DGKI: variants seen among roughly 807,000 people sequenced by gnomAD.
DGKI encodes the protein DAG kinase iota.
DGKI carries 55 observed loss-of-function variants against 147.5 expected under a neutral mutation model. The ratio of observed to expected loss-of-function variants is 0.37; its 90% CI spans 0.30 to 0.47. The LOEUF (loss-of-function observed/expected upper bound fraction) is 0.47. DGKI is among the 20% of genes least tolerant of loss of function. The pLI is 1.00. For synonymous variants in DGKI, 469 were observed against 477.1 expected, an observed-to-expected ratio of 0.98 and a Z score of 0.22; for missense variants, 1,007 against 1,323.8, an observed-to-expected ratio of 0.76 and a Z score of 3.71.
intron 1 of DGKI, among the ~76,000 whole-genome samples, chr7:137,829,310 C>T (rs1002030154): frequency 1.2e-4 from 18 of 152,250 alleles, no homozygotes; most frequent in Admixed American, 1.3e-4. Flanking sequence ...TTCCTGTCTA[C>T]AGTTCTCTCT....
chr7:137,623,103 C>T (rs1382894594), intron 7 of DGKI, among the ~76,000 whole-genome samples: 1 of 152,292 alleles, frequency 6.6e-6, no homozygotes, highest in Non-Finnish European at 1.5e-5. Context: ...TCATACGTTG[C>T]TTTGCTTCTA....
At chr7:137,493,855 A>T in intron 21 of DGKI, 1 of 696,452 alleles carries the variant, frequency 1.4e-6, no homozygotes, top group East Asian at 2.7e-5. Flanking sequence ...ACAGAAATAG[A>T]ATCAGAATAT....
At chr7:137,557,529 T>A (rs983936236) in intron 19 of DGKI, among the ~76,000 whole-genome samples, 9 of 151,876 alleles carry the variant, frequency 5.9e-5, no homozygotes, top group Non-Finnish European at 1.2e-4. Flanking sequence ...AAAAATAAAA[T>A]CAGTATTCTA....
In DGKI at chr7:137,759,797, C is replaced by T. The variant is rs571101855; in HGVS notation, c.402-69795G>A. Among the ~76,000 whole-genome samples, 8 of 152,274 alleles carry T rather than the reference C, an allele frequency of 5.3e-5. No homozygotes were observed. In the South Asian group the frequency reaches 1.7e-3, roughly 32 times the overall value. On this transcript the variant is annotated intron_variant, in intron 1 of 32. Transcript: ENST00000614521. ...ATGAACTCATTCTCCCTTTCTTTCTCTGTTTCTCTCTCCTCCTTTTCGTCC... is the reference window on the plus strand; with the variant it reads ...ATGAACTCATTCTCCCTTTCTTTCTTTGTTTCTCTCTCCTCCTTTTCGTCC...
intron 1 of DGKI, among the ~76,000 whole-genome samples, chr7:137,771,253 G>A (rs1031311578): frequency 6.6e-6 from 1 of 152,118 alleles, no homozygotes; most frequent in African/African-American, 2.4e-5. Context: ...ACCATGCCCA[G>A]CTAATTTTTG....
At chr7:137,588,765 C>T (rs375151947) in intron 12 of DGKI, among the ~76,000 whole-genome samples, 2 of 152,192 alleles carry the variant, frequency 1.3e-5, no homozygotes, top group East Asian at 3.9e-4. Context: ...CGTGAGCCAC[C>T]GTGCCAGGCC....
chr7:137,725,700 T>C (rs1794697630), intron 1 of DGKI, among the ~76,000 whole-genome samples: 1 of 152,214 alleles, frequency 6.6e-6, no homozygotes, highest in Non-Finnish European at 1.5e-5. Flanking sequence ...CAGGTGACTT[T>C]CCATTCTTTT....
At chr7:137,729,418 G>A (rs1475869803) in intron 1 of DGKI, among the ~76,000 whole-genome samples, 2 of 152,058 alleles carry the variant, frequency 1.3e-5, no homozygotes, top group African/African-American at 4.8e-5. Context: ...CCAGAAATAA[G>A]GGCATCTGCT....
At chr7:137,653,056 G>A (rs1263362677) in intron 5 of DGKI, among the ~76,000 whole-genome samples, 1 of 152,134 alleles carries the variant, frequency 6.6e-6, no homozygotes, top group Non-Finnish European at 1.5e-5. Context: ...TACCTCCCCA[G>A]CCCATCCTCA....
rs1400887766 is a variant in DGKI, at chr7:137,390,152, T to C, written c.*1068A>G. ...CTGTTTCCTATTTCAGTGACATATG[T>C]TGACATATGTTGCTACTTTTGCTTT... On this transcript the variant is annotated 3_prime_UTR_variant, in exon 33 of 33. Coordinates refer to ENST00000614521, the MANE Select transcript of DGKI (RefSeq NM_001321708.2). 6.6e-6 allele frequency: 1 copy of C among 152,170 alleles called. No homozygotes were observed. Among genetic ancestry groups the C allele is most frequent in the African/African-American group, 2.4e-5 (1 of 41,446 alleles). 9.4% of individuals were successfully genotyped at this position (152,170 alleles called of 1,614,324 possible). A position where few individuals can be genotyped will look rare whatever the true frequency, so the allele number is the denominator to read the frequency against.
At chr7:137,491,799 G>T (rs909885558) in intron 21 of DGKI, among the ~76,000 whole-genome samples, 9 of 152,188 alleles carry the variant, frequency 5.9e-5, no homozygotes, top group African/African-American at 2.2e-4. Context: ...GCAAACTGCT[G>T]CCCCAAAGGG....
chr7:137,586,573 C>T (rs1298719218), intron 13 of DGKI, among the ~76,000 whole-genome samples: 2 of 151,964 alleles, frequency 1.3e-5, no homozygotes, highest in Non-Finnish European at 2.9e-5. Context: ...GACTGCAGAA[C>T]GATTTCCCCC....
chr7:137,522,312 A>C (rs1461900081), intron 20 of DGKI, among the ~76,000 whole-genome samples: 1 of 152,082 alleles, frequency 6.6e-6, no homozygotes, highest in African/African-American at 2.4e-5. Context: ...TGGGAGGTGG[A>C]GTGGAGCTTT....
intron 28 of DGKI, among the ~76,000 whole-genome samples, chr7:137,418,036 G>A (rs1812424315): frequency 6.6e-6 from 1 of 152,142 alleles, no homozygotes; most frequent in African/African-American, 2.4e-5. Flanking sequence ...ACCATGCCAG[G>A]CCCCGTTTGA....
chr7:137,525,522 C>T (rs1817113476), intron 20 of DGKI, among the ~76,000 whole-genome samples: 1 of 152,158 alleles, frequency 6.6e-6, no homozygotes, highest in Non-Finnish European at 1.5e-5. Context: ...TGGTGAGGAG[C>T]TCAGGCTCCA....
intron 19 of DGKI, among the ~76,000 whole-genome samples, chr7:137,569,034 A>T (rs1312362603): frequency 6.6e-6 from 1 of 152,140 alleles, no homozygotes; most frequent in Non-Finnish European, 1.5e-5. Context: ...GAGAGAGAGC[A>T]CACGTGCAAT....
chr7:137,609,079 C>T lies in DGKI; in HGVS notation c.1069-15G>A. Reference sequence around the variant, plus strand: ...TTGTTTTCCTGCTGAAAGAAGCAATCAGCACTGTTAGGATACACATCCATG... The same window carrying T: ...TTGTTTTCCTGCTGAAAGAAGCAATTAGCACTGTTAGGATACACATCCATG... On this transcript the variant is annotated splice_polypyrimidine_tract_variant and intron_variant, in intron 9 of 32. Transcript: ENST00000614521. 6.2e-7 allele frequency: 1 copy of T among 1,604,098 alleles called. No homozygotes were observed. The highest frequency in any genetic ancestry group is 8.5e-7 in the Non-Finnish European group (1 of 1,171,212).
intron 19 of DGKI, among the ~76,000 whole-genome samples, chr7:137,564,572 T>G (rs552880796): frequency 7.2e-6 from 1 of 138,178 alleles, no homozygotes; most frequent in African/African-American, 3.3e-5. Context: ...TGACTTCTTT[T>G]AAAAAAAACA....
chr7:137,649,812 C>A (rs28625107), intron 5 of DGKI, among the ~76,000 whole-genome samples: 2 of 148,952 alleles, frequency 1.3e-5, no homozygotes, highest in Admixed American at 6.7e-5. Context: ...TTTGAAAGGA[C>A]CTTAGAAATC....
Sources: gnomAD v4.1 joint callset for allele counts (sites outside exome capture counted in the v4.1 genomes callset) on GRCh38, gnomAD v4.1.1 for gene constraint, MANE v1.5 for transcripts, NCBI Gene and HGNC (gene_info 2026-07-23, HGNC 2026-07-21) for gene names.